The following ZNF407 variants were observed in gnomAD, a reference collection of about 807,000 sequenced individuals.
ZNF407 encodes zinc finger protein 407.
In ZNF407, 17 loss-of-function variants were observed where a neutral mutation model predicts 131.2. The observed-to-expected ratio is 0.13, with a 90% CI of 0.09 to 0.19. The LOEUF is 0.19. Ranked by LOEUF, ZNF407 falls within the 10% of genes least tolerant of loss-of-function variation. The probability of loss-of-function intolerance (pLI) is 1.00; values close to 1 mark genes in which losing one functional copy is unlikely to be tolerated. For synonymous variants in ZNF407, 1,156 were observed against 1,062.0 expected (o/e 1.09, Z -1.72); for missense variants, 2,681 against 2,830.6 (o/e 0.95, Z 1.20).
At position 75,063,422 on chromosome 18, in the gene ZNF407, C is replaced by G. The variant is rs769492762; in HGVS notation, c.5701C>G (p.Arg1901Gly). The change falls in exon 9 of 9, where the codon CGG becomes GGG. Residue 1901 changes from arginine (R) to glycine (G), a missense_variant. By Grantham distance (125) the Arg-to-Gly change is moderately radical (BLOSUM62 -2). Transcript: ENST00000299687. The surrounding 1 kb of genome is among the most constrained non-coding windows in gnomAD (Gnocchi z 6.6). ...GCTGGCCATGGCCGGCCAGGTGGCC[C>G]GGGTGGTGCATATCACGGAGGATGG... Reference protein sequence around the residue: ...QTLAMAGQVARVVHITEDGQV... With the variant: ...QTLAMAGQVAGVVHITEDGQV... 1 of 1,609,868 alleles carries G rather than the reference C, an allele frequency of 6.2e-7. No individual in the cohort carries two copies. The highest frequency in any genetic ancestry group is 8.5e-7 in the Non-Finnish European group (1 of 1,178,702).
intron 3 of ZNF407, among the ~76,000 whole-genome samples, chr18:74,692,795 A>G (rs1967258907): frequency 6.6e-6 from 1 of 151,866 alleles, no homozygotes; most frequent in East Asian, 1.9e-4. Context: ...TCCCCCAGAG[A>G]CAGGTGGAGT....
At position 74,634,103 on chromosome 18, in the gene ZNF407, C is replaced by T. The variant is rs2144672104; in HGVS notation, c.3084C>T (p.Ser1028=). The change falls in exon 2 of 9, where the codon TCC becomes TCT. Residue 1028 remains serine (S), a synonymous_variant. Transcript: ENST00000299687. ...TGCACTGTGAGTTTAGTGCTCACTC[C>T]TCTGCTTCTCTAGAGCTGCATGTAA... ...KCLHCEFSAH[S]SASLELHVKR... 6.2e-7 allele frequency: 1 copy of T among 1,614,038 alleles called. No individual in the cohort carries two copies. Among genetic ancestry groups the T allele is most frequent in the Non-Finnish European group, 8.5e-7 (1 of 1,179,910 alleles).
In ZNF407 at chr18:74,851,224, A is replaced by G. The variant is rs568128098; in HGVS notation, c.4878-25973A>G. On this transcript the variant is annotated intron_variant, in intron 4 of 8. Transcript: ENST00000299687. Reference sequence around the variant, plus strand: ...GTACAGTTGTTCTTGGGAAGTGTTTATGCTCCATGCAAGTATGATCTATGA... The same window carrying G: ...GTACAGTTGTTCTTGGGAAGTGTTTGTGCTCCATGCAAGTATGATCTATGA... 5.3e-5 allele frequency among the ~76,000 whole-genome samples: 8 copies of G among 152,216 alleles called. No individual in the cohort carries two copies. The East Asian group carries it at 7.7e-4, about 15-fold the overall frequency.
intron 4 of ZNF407, among the ~76,000 whole-genome samples, chr18:74,855,957 C>T (rs1386146568): frequency 6.6e-6 from 1 of 152,154 alleles, no homozygotes; most frequent in Non-Finnish European, 1.5e-5. Flanking sequence ...ATCACTTTGT[C>T]AAAGGCTGTG....
intron 8 of ZNF407, among the ~76,000 whole-genome samples, chr18:75,037,550 T>A (rs1347483689): frequency 1.3e-5 from 2 of 151,692 alleles, no homozygotes; most frequent in East Asian, 3.9e-4. Flanking sequence ...AATAAAGATA[T>A]CTGCAGCAAC....
rs956232865 is a variant in ZNF407, at chr18:74,781,413, T to C, written c.4803-15T>C. 53 of 1,521,272 alleles carry C rather than the reference T, an allele frequency of 3.5e-5. No individual in the cohort carries two copies. In the African/African-American group the frequency reaches 5.6e-4, roughly 16 times the overall value. 94.2% of individuals were successfully genotyped at this position (1,521,272 alleles called of 1,614,324 possible). ...TCAAGTTTTAGTTTTATAATTACTTTTGTTTATTTTTTAGGGTTGCTTTTG... is the reference window on the plus strand; with the variant it reads ...TCAAGTTTTAGTTTTATAATTACTTCTGTTTATTTTTTAGGGTTGCTTTTG... On this transcript the variant is annotated splice_polypyrimidine_tract_variant and intron_variant, in intron 3 of 8. Coordinates refer to ENST00000299687, the MANE Select transcript of ZNF407 (RefSeq NM_017757.3).
intron 8 of ZNF407, among the ~76,000 whole-genome samples, chr18:74,924,250 A>G (rs1289462750): frequency 2.0e-5 from 3 of 152,146 alleles, no homozygotes; most frequent in Non-Finnish European, 4.4e-5. Flanking sequence ...TAATCCCAAT[A>G]CTGAGACACA....
At chr18:75,024,413 T>G (rs928856768) in intron 8 of ZNF407, among the ~76,000 whole-genome samples, 1 of 152,220 alleles carries the variant, frequency 6.6e-6, no homozygotes, top group Non-Finnish European at 1.5e-5. Flanking sequence ...ACTGAATTTC[T>G]CTCTCTGTTA....
chr18:75,064,503 G>A lies in ZNF407; in HGVS notation c.*35G>A, dbSNP rs1387459691. 1.4e-6 allele frequency: 2 copies of A among 1,440,922 alleles called. No homozygotes were observed. The highest frequency in any genetic ancestry group is 2.5e-5 in the East Asian group (1 of 39,876). The allele number at this position is 1,440,922 out of a possible 1,614,324, so 89.3% of individuals were successfully genotyped here. On this transcript the variant is annotated 3_prime_UTR_variant, in exon 9 of 9. Transcript: ENST00000299687. Reference sequence around the variant, plus strand: ...CACCTTTACTCAGCACAGGGCAGGTGTGGGAAGGTCCAGCTTCGGTGGGGG... The same window carrying A: ...CACCTTTACTCAGCACAGGGCAGGTATGGGAAGGTCCAGCTTCGGTGGGGG...
At chr18:74,911,661 C>T (rs1420885707) in intron 7 of ZNF407, among the ~76,000 whole-genome samples, 1 of 152,120 alleles carries the variant, frequency 6.6e-6, no homozygotes, top group Non-Finnish European at 1.5e-5. Context: ...TTAGCCTCCC[C>T]CTTCAGCTAA....
intron 3 of ZNF407, among the ~76,000 whole-genome samples, chr18:74,644,868 CTT>C (rs952830435): frequency 6.6e-6 from 1 of 151,176 alleles, no homozygotes; most frequent in Non-Finnish European, 1.5e-5. Context: ...TTAGTTTGTA[CTT>C]TTTTTTTCTC....
intron 3 of ZNF407, among the ~76,000 whole-genome samples, chr18:74,667,048 T>C (rs1227845034): frequency 9.9e-5 from 15 of 152,194 alleles, no homozygotes; most frequent in Non-Finnish European, 8.8e-5. Context: ...TTTCCTACTT[T>C]CTCTACTTTG....
At chr18:74,968,077 C>T (rs181169115) in intron 8 of ZNF407, among the ~76,000 whole-genome samples, 5 of 152,270 alleles carry the variant, frequency 3.3e-5, no homozygotes, top group Admixed American at 3.3e-4. Flanking sequence ...AAGTCCTGGA[C>T]ATCAGTGACC....
At chr18:74,649,004 C>T (rs1424128818) in intron 3 of ZNF407, among the ~76,000 whole-genome samples, 2 of 152,210 alleles carry the variant, frequency 1.3e-5, no homozygotes, top group Admixed American at 1.3e-4. Context: ...TTCTGAGACC[C>T]TGTCTCCTCT....
At chr18:74,940,930 A>G (rs879073554) in intron 8 of ZNF407, among the ~76,000 whole-genome samples, 1 of 152,092 alleles carries the variant, frequency 6.6e-6, no homozygotes, top group Non-Finnish European at 1.5e-5. Context: ...TTGTTCTATA[A>G]TTGGGGTGGT....
intron 8 of ZNF407, among the ~76,000 whole-genome samples, chr18:74,927,227 G>A (rs1248056844): frequency 6.6e-6 from 1 of 152,150 alleles, no homozygotes; most frequent in African/African-American, 2.4e-5. Context: ...GTTGCTTGAG[G>A]ATGCATAACT....
chr18:74,933,371 G>A (rs930467936), intron 8 of ZNF407, among the ~76,000 whole-genome samples: 4 of 152,208 alleles, frequency 2.6e-5, no homozygotes, highest in Non-Finnish European at 4.4e-5. Flanking sequence ...AAGTCAAAGA[G>A]ATAGAAGGTA....
intron 8 of ZNF407, among the ~76,000 whole-genome samples, chr18:75,029,640 C>A (rs888780815): frequency 6.6e-6 from 1 of 152,114 alleles, no homozygotes; most frequent in Non-Finnish European, 1.5e-5. Context: ...GGTGTGCGTG[C>A]GTGTGCATGC....
Position 74,887,610 on chromosome 18 carries a change from G to A in ZNF407, c.5129-2308G>A, listed in dbSNP as rs1433855307. 3.9e-5 allele frequency among the ~76,000 whole-genome samples: 6 copies of A among 152,222 alleles called. No homozygotes were observed. In the East Asian group the frequency reaches 1.2e-3, roughly 29 times the overall value. ...CCTGGTTATGAGCTCTTGATGAGAAGCATTTGTGTGCTTCTTTCATCTTTG... is the reference window on the plus strand; with the variant it reads ...CCTGGTTATGAGCTCTTGATGAGAAACATTTGTGTGCTTCTTTCATCTTTG... On this transcript the variant is annotated intron_variant, in intron 6 of 8. Coordinates refer to ENST00000299687, the MANE Select transcript of ZNF407 (RefSeq NM_017757.3).
Sources: allele counts gnomAD v4.1 joint callset (sites outside exome capture counted in the v4.1 genomes callset), GRCh38; gene constraint gnomAD v4.1.1; non-coding constraint Gnocchi (gnomAD v3.1); transcripts MANE v1.5; gene names NCBI Gene and HGNC (gene_info 2026-07-23, HGNC 2026-07-21).